The following SUMF1 variants were observed in gnomAD, a reference collection of about 807,000 sequenced individuals.
The protein encoded by SUMF1 is sulfatase modifying factor 1.
Under a neutral mutation model 47.6 loss-of-function variants are expected in SUMF1, and 48 were observed. That is an observed-to-expected ratio of 1.01 (90% CI 0.80 to 1.28). The LOEUF (loss-of-function observed/expected upper bound fraction) is 1.28. Ranked by LOEUF, SUMF1 falls within the 50% of genes most tolerant of loss-of-function variation. SUMF1 has a pLI of 0.00. For missense variants in SUMF1, 571 were observed against 485.4 expected (o/e 1.18, Z -1.66); for synonymous variants, 230 against 192.1 (o/e 1.20, Z -1.63).
chr3:4,336,998 A>G (rs1699166075), intron 8 of SUMF1, among the ~76,000 whole-genome samples: 1 of 152,104 alleles, frequency 6.6e-6, no homozygotes, highest in Admixed American at 6.5e-5. Context: ...ACGAATTCCA[A>G]CTCTACATGC....
intron 3 of SUMF1, among the ~76,000 whole-genome samples, chr3:4,420,749 C>T (rs991591119): frequency 6.6e-6 from 1 of 151,950 alleles, no homozygotes; most frequent in South Asian, 2.1e-4. Context: ...TAATCTCTAA[C>T]AAGTGAGACA....
intron 8 of SUMF1, among the ~76,000 whole-genome samples, chr3:4,081,693 G>C (rs1373352332): frequency 6.6e-6 from 1 of 152,086 alleles, no homozygotes; most frequent in East Asian, 1.9e-4. Flanking sequence ...CTGTCATAGG[G>C]TTATGAGTGA....
chr3:4,206,675 A>AC (rs1695659541), intron 8 of SUMF1, among the ~76,000 whole-genome samples: 2 of 151,964 alleles, frequency 1.3e-5, no homozygotes, highest in Non-Finnish European at 1.5e-5. Context: ...ATGATCACTC[A>AC]CCTGATTCTT....
Position 4,150,026 on chromosome 3 carries a change from G to T in SUMF1, c.1015-81281C>A, listed in dbSNP as rs112793075. 2.7e-4 allele frequency among the ~76,000 whole-genome samples: 41 copies of T among 152,260 alleles called. 2 individuals are homozygous for T. Among genetic ancestry groups the T allele is most frequent in the African/African-American group, 9.6e-4 (40 of 41,532 alleles). ...GTTTAAATATGAAAAACAAAGTTTA[G>T]TGAATTCTGCTGCTAAACAAATATC... On this transcript the variant is annotated intron_variant and NMD_transcript_variant, in intron 8 of 12. Transcript: ENST00000448413.
intron 8 of SUMF1, among the ~76,000 whole-genome samples, chr3:4,166,515 A>G (rs954349492): frequency 5.3e-5 from 8 of 152,186 alleles, no homozygotes; most frequent in South Asian, 2.1e-4. Flanking sequence ...AGGTGCCTAA[A>G]GAAGGGAACA....
chr3:4,046,923 C>G (rs1377440272), intron 9 of SUMF1, among the ~76,000 whole-genome samples: 1 of 152,038 alleles, frequency 6.6e-6, no homozygotes, highest in Non-Finnish European at 1.5e-5. Flanking sequence ...AATTTGAACC[C>G]TGAATGTGGC....
intron 8 of SUMF1, among the ~76,000 whole-genome samples, chr3:4,155,468 G>A (rs561270518): frequency 1.1e-4 from 16 of 151,578 alleles, no homozygotes; most frequent in South Asian, 4.2e-4. Context: ...GAGCTTTGAA[G>A]CAAAAGGAAG....
chr3:4,318,614 C>T (rs1355960492), intron 8 of SUMF1, among the ~76,000 whole-genome samples: 1 of 152,150 alleles, frequency 6.6e-6, no homozygotes, highest in African/African-American at 2.4e-5. Context: ...CAGGTAAGAA[C>T]TTAAAACTCA....
At chr3:4,192,871 T>C (rs1431046909) in intron 8 of SUMF1, among the ~76,000 whole-genome samples, 5 of 152,114 alleles carry the variant, frequency 3.3e-5, no homozygotes, top group African/African-American at 7.2e-5. Context: ...GGTTGGTGGA[T>C]AGATCAACGT....
intron 8 of SUMF1, among the ~76,000 whole-genome samples, chr3:4,236,352 A>G (rs1696409169): frequency 6.6e-6 from 1 of 152,290 alleles, no homozygotes; most frequent in East Asian, 1.9e-4. Flanking sequence ...AGATATAAGC[A>G]CCTTACAACT....
intron 9 of SUMF1, among the ~76,000 whole-genome samples, chr3:4,054,833 G>T (rs144256933): frequency 6.6e-6 from 1 of 152,134 alleles, no homozygotes; most frequent in Non-Finnish European, 1.5e-5. Flanking sequence ...AGGGCTCCAC[G>T]TATAGTCTTA....
At chr3:4,058,376 C>T (rs1336653333) in intron 9 of SUMF1, among the ~76,000 whole-genome samples, 1 of 152,024 alleles carries the variant, frequency 6.6e-6, no homozygotes, top group Non-Finnish European at 1.5e-5. Context: ...TCAGAAATGG[C>T]CTTCGAATGC....
rs550432246 is a variant in SUMF1, at chr3:4,252,536, A to C, written c.1014+123794T>G. ...CCTGAGTGGCAAAAGTAGGGAATGA[A>C]GGCAACCAAGCTCATTACCAGCCTG... On this transcript the variant is annotated intron_variant and NMD_transcript_variant, in intron 8 of 12. Coordinates refer to the SUMF1 transcript ENST00000448413. Among the ~76,000 whole-genome samples, 260 of 152,336 alleles carry C rather than the reference A, an allele frequency of 1.7e-3. 3 individuals carry two copies. Among genetic ancestry groups the C allele is most frequent in the African/African-American group, 6.1e-3 (255 of 41,580 alleles).
intron 8 of SUMF1, among the ~76,000 whole-genome samples, chr3:4,074,710 C>T (rs902245382): frequency 2.6e-5 from 4 of 151,986 alleles, no homozygotes; most frequent in South Asian, 2.1e-4. Context: ...AGTATAAACA[C>T]CTCTATGCAA....
downstream of SUMF1, among the ~76,000 whole-genome samples, chr3:4,360,316 A>G (rs1377569373): frequency 7.6e-5 from 11 of 145,122 alleles, no homozygotes; most frequent in Admixed American, 7.6e-4. Context: ...TGCCAGCTAC[A>G]TGACTTTTTT....
intron 7 of SUMF1, among the ~76,000 whole-genome samples, chr3:4,388,961 T>A (rs979830104): frequency 2.6e-5 from 4 of 152,216 alleles, no homozygotes; most frequent in Non-Finnish European, 5.9e-5. Flanking sequence ...TCAGACAATG[T>A]TATAATTTGT....
chr3:4,175,279 T>C (rs115448626), intron 8 of SUMF1, among the ~76,000 whole-genome samples: 9 of 151,948 alleles, frequency 5.9e-5, no homozygotes, highest in African/African-American at 2.2e-4. Context: ...CACCTCCCAG[T>C]TGGGGTCGAC....
At chr3:4,200,038 G>A (rs1574972130) in intron 8 of SUMF1, among the ~76,000 whole-genome samples, 1 of 151,966 alleles carries the variant, frequency 6.6e-6, no homozygotes, top group African/African-American at 2.4e-5. Context: ...AGGTTCATGT[G>A]TTTTGTGCCT....
In SUMF1 at chr3:4,316,191, T is replaced by G. The variant is rs774789458; in HGVS notation, c.1014+60139A>C. The G allele has an allele frequency of 4.5e-6, 3 of 666,534 alleles. No individual in the cohort carries two copies. In the South Asian group the frequency reaches 5.0e-5, roughly 11 times the overall value. 41.3% of individuals were successfully genotyped at this position (666,534 alleles called of 1,614,324 possible). A position where few individuals can be genotyped will look rare whatever the true frequency, so the allele number is the denominator to read the frequency against. ...GTTTTTTTGCTAATGACATCTTACT[T>G]GCTGTTTATGTTTATTTTAGACTAT... On this transcript the variant is annotated intron_variant and NMD_transcript_variant, in intron 8 of 12. Coordinates refer to the SUMF1 transcript ENST00000448413.
Sources: gnomAD v4.1 joint callset for allele counts (sites outside exome capture counted in the v4.1 genomes callset) on GRCh38, gnomAD v4.1.1 for gene constraint, MANE v1.5 for transcripts, NCBI Gene and HGNC (gene_info 2026-07-23, HGNC 2026-07-21) for gene names.